The following AHI1 variants were observed in gnomAD, a reference collection of about 807,000 sequenced individuals.
AHI1 encodes Abelson helper integration site 1, also known as jouberin.
AHI1 carries 123 observed loss-of-function variants against 149.3 expected under a neutral mutation model. The ratio of observed to expected loss-of-function variants is 0.82; its 90% confidence interval spans 0.71 to 0.96. AHI1 has a LOEUF of 0.96. Ranked by LOEUF, AHI1 falls within the 40% of genes least tolerant of loss-of-function variation. The pLI, the probability that AHI1 is intolerant of heterozygous loss-of-function variation, is 0.00. For missense variants in AHI1, 1,439 were observed against 1,422.7 expected (o/e 1.01, Z -0.18); for synonymous variants, 475 against 459.8 (o/e 1.03, Z -0.42).
At chr6:135,344,506 A>C (rs1465264725) in intron 24 of AHI1, among the ~76,000 whole-genome samples, 2 of 151,856 alleles carry the variant, frequency 1.3e-5, no homozygotes, top group Admixed American at 1.3e-4. Flanking sequence ...ATTATTATTA[A>C]ATTCCTAAGT....
At chr6:135,458,792 G>C (rs1335348207) in intron 8 of AHI1, among the ~76,000 whole-genome samples, 1 of 152,182 alleles carries the variant, frequency 6.6e-6, no homozygotes, top group Non-Finnish European at 1.5e-5. Context: ...GAAGCAGCAT[G>C]AGACAGAAGA....
chr6:135,480,057 G>T, intron 5 of AHI1, among the ~76,000 whole-genome samples: 1 of 152,186 alleles, frequency 6.6e-6, no homozygotes, highest in Non-Finnish European at 1.5e-5. Context: ...ACTGTGAGGT[G>T]ACTAAATCTC....
intron 26 of AHI1, among the ~76,000 whole-genome samples, chr6:135,316,649 T>C (rs955208329): frequency 1.4e-4 from 22 of 152,174 alleles, no homozygotes; most frequent in African/African-American, 4.6e-4. Context: ...CCCTTAATAC[T>C]AGTGTTTAAT....
At chr6:135,304,534 G>A (rs1784309664) in intron 26 of AHI1, among the ~76,000 whole-genome samples, 2 of 152,142 alleles carry the variant, frequency 1.3e-5, no homozygotes. Flanking sequence ...CACTTTGGGA[G>A]GCCAAGGCAG....
intron 22 of AHI1, among the ~76,000 whole-genome samples, chr6:135,395,355 G>C (rs1319688515): frequency 6.6e-6 from 1 of 151,900 alleles, no homozygotes; most frequent in African/African-American, 2.4e-5. Context: ...TGGTGACACA[G>C]ATAACACAGC....
chr6:135,337,960 A>G (rs988529855), intron 24 of AHI1, among the ~76,000 whole-genome samples: 1 of 152,154 alleles, frequency 6.6e-6, no homozygotes. Flanking sequence ...ATGGGGAAGA[A>G]GATAAGGATA....
intron 11 of AHI1, among the ~76,000 whole-genome samples, chr6:135,452,702 C>T (rs1166611456): frequency 3.9e-5 from 6 of 152,120 alleles, no homozygotes; most frequent in Non-Finnish European, 7.4e-5. Flanking sequence ...TTAGCAACCT[C>T]TTCATGCACC....
intron 23 of AHI1, among the ~76,000 whole-genome samples, chr6:135,377,524 A>G (rs1259762795): frequency 6.6e-6 from 1 of 151,862 alleles, no homozygotes; most frequent in Non-Finnish European, 1.5e-5. Flanking sequence ...TTGGTTGCCC[A>G]GGATGGAGTG....
chr6:135,285,307 C>A lies in AHI1; in HGVS notation c.*338G>T, dbSNP rs1009295934. Reference sequence around the variant, plus strand: ...ACAGACATCCTAATAACGCAAACACCTTTTATTCACATTTGCTGAGTAGCA... The same window carrying A: ...ACAGACATCCTAATAACGCAAACACATTTTATTCACATTTGCTGAGTAGCA... On this transcript the variant is annotated 3_prime_UTR_variant, in exon 29 of 29. Coordinates refer to ENST00000265602, the MANE Select transcript of AHI1 (RefSeq NM_001134831.2). The A allele has an allele frequency of 5.4e-6, 2 of 369,236 alleles. No individual in the cohort carries two copies. Among genetic ancestry groups the A allele is most frequent in the African/African-American group, 2.1e-5 (1 of 48,218 alleles). 22.9% of individuals were successfully genotyped at this position (369,236 alleles called of 1,614,324 possible).
intron 5 of AHI1, among the ~76,000 whole-genome samples, chr6:135,484,475 GTTTTA>G (rs1244250744): frequency 1.3e-5 from 2 of 151,706 alleles, no homozygotes; most frequent in South Asian, 2.1e-4. Context: ...CTTGTATCTG[GTTTTA>G]TTTTTTCATT....
At chr6:135,387,046 C>A (rs1777711537) in intron 23 of AHI1, among the ~76,000 whole-genome samples, 2 of 152,086 alleles carry the variant, frequency 1.3e-5, no homozygotes, top group African/African-American at 4.8e-5. Flanking sequence ...CTACACCTGG[C>A]TAACTATTTT....
chr6:135,405,715 C>T (rs1780670339), intron 21 of AHI1, among the ~76,000 whole-genome samples: 1 of 151,726 alleles, frequency 6.6e-6, no homozygotes, highest in Admixed American at 6.6e-5. Context: ...CAAAAATCAG[C>T]TAGGCGTTGT....
chr6:135,289,710 C>T (rs1782107580), intron 28 of AHI1, among the ~76,000 whole-genome samples: 1 of 150,736 alleles, frequency 6.6e-6, no homozygotes, highest in Admixed American at 6.6e-5. Flanking sequence ...AACTATGCAT[C>T]TATATGCTTC....
At chr6:135,379,546 T>C (rs1776396691) in intron 23 of AHI1, among the ~76,000 whole-genome samples, 1 of 152,242 alleles carries the variant, frequency 6.6e-6, no homozygotes, top group Non-Finnish European at 1.5e-5. Flanking sequence ...CTGCATTCTC[T>C]AGTACACTTT....
intron 24 of AHI1, among the ~76,000 whole-genome samples, chr6:135,350,718 T>C (rs147078385): frequency 1.6e-4 from 25 of 152,088 alleles, no homozygotes; most frequent in Admixed American, 1.5e-3. Flanking sequence ...ATGCAAAAGG[T>C]TGTGTATATT....
intron 23 of AHI1, among the ~76,000 whole-genome samples, chr6:135,363,699 C>T (rs550710363): frequency 8.2e-5 from 12 of 146,252 alleles, no homozygotes; most frequent in South Asian, 4.3e-4. Flanking sequence ...ACCTCCCTCC[C>T]GGACGGGGCG....
chr6:135,467,703 A>G (rs1791012485), intron 5 of AHI1, 69 bp from the exon 6 acceptor site: 3 of 1,112,936 alleles, frequency 2.7e-6, no homozygotes, highest in Non-Finnish European at 3.9e-6. Flanking sequence ...ACCAATAATT[A>G]ATGTTCAACT....
At chr6:135,405,198 C>T (rs1780588132) in intron 21 of AHI1, among the ~76,000 whole-genome samples, 1 of 152,186 alleles carries the variant, frequency 6.6e-6, no homozygotes, top group Admixed American at 6.5e-5. Context: ...CACTGTGAAA[C>T]TCCCGAGGGC....
intron 9 of AHI1, among the ~76,000 whole-genome samples, chr6:135,457,020 C>T (rs145895451): frequency 0.017 from 2,565 of 152,234 alleles, 25 homozygotes; most frequent in Non-Finnish European, 0.027. Context: ...GAGCCAGGCA[C>T]GGTGGGTCAT....
Sources: gnomAD v4.1 joint callset for allele counts (sites outside exome capture counted in the v4.1 genomes callset) on GRCh38, gnomAD v4.1.1 for gene constraint, MANE v1.5 for transcripts, NCBI Gene and HGNC (gene_info 2026-07-23, HGNC 2026-07-21) for gene names.